Variants in DPY19L1 observed in about 807,000 individuals in gnomAD.
DPY19L1 encodes protein C-mannosyl-transferase DPY19L1.
A neutral mutation model predicts 96.9 loss-of-function variants in DPY19L1; 35 were observed. The observed-to-expected ratio is 0.36, with a 90% CI of 0.28 to 0.48. The LOEUF (loss-of-function observed/expected upper bound fraction) is 0.48. DPY19L1 is among the 20% of genes least tolerant of loss of function. DPY19L1 has a pLI of 0.99. For missense variants in DPY19L1, 521 were observed against 777.9 expected, an observed-to-expected ratio of 0.67 and a Z score of 3.93; for synonymous variants, 205 against 252.6, an observed-to-expected ratio of 0.81 and a Z score of 1.79.
chr7:34,950,246 A>T (rs1453450691), intron 13 of DPY19L1, among the ~76,000 whole-genome samples: 1 of 152,208 alleles, frequency 6.6e-6, no homozygotes, highest in Admixed American at 6.5e-5. Flanking sequence ...ACACACACAG[A>T]CTTCTTTTAA....
At chr7:35,018,511 A>G in intron 2 of DPY19L1, 61 bp downstream of exon 2, 1 of 1,436,126 alleles carries the variant, frequency 7.0e-7, no homozygotes, top group Non-Finnish European at 9.7e-7. Flanking sequence ...TGTATGGGAA[A>G]TAGCTTTAGC....
chr7:35,036,987 G>A (rs975694326), intron 1 of DPY19L1, 110 bp downstream of exon 1: 1 of 150,328 alleles, frequency 6.7e-6, no homozygotes, highest in South Asian at 2.2e-4. Flanking sequence ...GGCGGGGCTC[G>A]GCGCGGCGGA....
intron 10 of DPY19L1, among the ~76,000 whole-genome samples, chr7:34,959,008 T>TA (rs1784435415): frequency 6.6e-6 from 1 of 151,524 alleles, no homozygotes; most frequent in Non-Finnish European, 1.5e-5. Context: ...ACAAAGAACT[T>TA]AAACAAATTT....
intron 11 of DPY19L1, among the ~76,000 whole-genome samples, chr7:34,956,325 A>T (rs974698722): frequency 6.0e-5 from 9 of 149,800 alleles, no homozygotes; most frequent in Admixed American, 4.8e-4. Context: ...TCCTAATAAT[A>T]AACAGAGAAC....
At chr7:35,030,259 G>T (rs555384073) in intron 1 of DPY19L1, among the ~76,000 whole-genome samples, 110 of 152,324 alleles carry the variant, frequency 7.2e-4, no homozygotes, top group African/African-American at 2.5e-3. Flanking sequence ...CCAAAGGGCA[G>T]AGTAGTAGCA....
chr7:35,022,908 C>T (rs114900983), intron 1 of DPY19L1, among the ~76,000 whole-genome samples: 15 of 152,326 alleles, frequency 9.8e-5, no homozygotes, highest in Admixed American at 5.2e-4. Flanking sequence ...GTCCCGGTCC[C>T]GGACGCCTTG....
rs374366847 is a variant in DPY19L1, at chr7:35,022,713, G to T, written c.299-4117C>A. 2.6e-5 allele frequency among the ~76,000 whole-genome samples: 4 copies of T among 152,304 alleles called. 1 individual carries two copies. Among genetic ancestry groups the T allele is most frequent in the East Asian group, 3.9e-4 (2 of 5,184 alleles). ...ATAAAGCTTGATATAATTAAGGGGA[G>T]GAATGAAATAATCCAAAATCATGTC... On this transcript the variant is annotated intron_variant, in intron 1 of 21. Transcript: ENST00000638088.
chr7:34,992,283 T>G (rs1785187170), intron 6 of DPY19L1, among the ~76,000 whole-genome samples: 1 of 152,242 alleles, frequency 6.6e-6, no homozygotes, highest in Non-Finnish European at 1.5e-5. Flanking sequence ...CTTATTCATA[T>G]TCTTGTCTAT....
At position 34,938,067 on chromosome 7, in the gene DPY19L1, C is replaced by T; in HGVS notation, c.2017G>A (p.Val673Met). The T allele has an allele frequency of 6.2e-7, 1 of 1,614,006 alleles. No individual in the cohort carries two copies. Among genetic ancestry groups the T allele is most frequent in the Non-Finnish European group, 8.5e-7 (1 of 1,179,986 alleles). ...TTTAACTTTATCAGTTCTCGCTTCA[C>T]TTCTTCGGCTGCTTTCCGACTATAC... The part of the protein sequence containing the change: ...SMYSRKAAEE[V>M]KRELIKLKVN... Residue 673 changes from valine to methionine, a missense_variant, in exon 21 of 22, where the codon GTG becomes ATG. Physicochemically the swap from Val to Met is conservative, Grantham distance 21 (BLOSUM62 1). Transcript: ENST00000638088.
At chr7:34,997,791 T>G (rs953251208) in intron 6 of DPY19L1, among the ~76,000 whole-genome samples, 20 of 152,140 alleles carry the variant, frequency 1.3e-4, no homozygotes, top group African/African-American at 4.6e-4. Context: ...GGCATAAAAT[T>G]TAAGAAATTC....
chr7:34,979,268 T>G (rs1319317222), intron 7 of DPY19L1, among the ~76,000 whole-genome samples: 1 of 152,106 alleles, frequency 6.6e-6, no homozygotes, highest in African/African-American at 2.4e-5. Context: ...GTTATCAGTA[T>G]CAACTCTACC....
intron 10 of DPY19L1, among the ~76,000 whole-genome samples, chr7:34,958,547 C>T (rs1261391134): frequency 6.6e-6 from 1 of 152,182 alleles, no homozygotes; most frequent in Non-Finnish European, 1.5e-5. Flanking sequence ...ACAAACACTG[C>T]TATGATAGAC....
chr7:34,972,159 C>G (rs1330416732), intron 8 of DPY19L1, among the ~76,000 whole-genome samples: 1 of 152,212 alleles, frequency 6.6e-6, no homozygotes, highest in Non-Finnish European at 1.5e-5. Context: ...TGCAGACAGC[C>G]TCTAGAAGCT....
At chr7:35,018,710 T>G in intron 1 of DPY19L1, 114 bp from the exon 2 acceptor site, 1 of 930,544 alleles carries the variant, frequency 1.1e-6, no homozygotes, top group Non-Finnish European at 1.6e-6. Context: ...AAAAGAATAC[T>G]GGGTCTTCAA....
chr7:35,016,959 T>C (rs1298958768), intron 3 of DPY19L1, among the ~76,000 whole-genome samples: 1 of 150,006 alleles, frequency 6.7e-6, no homozygotes, highest in Non-Finnish European at 1.5e-5. Context: ...ATGCAATGTG[T>C]AGGCACTGTT....
chr7:34,963,698 G>T (rs764852137), intron 10 of DPY19L1, among the ~76,000 whole-genome samples: 1 of 107,810 alleles, frequency 9.3e-6, no homozygotes, highest in Non-Finnish European at 2.1e-5. Flanking sequence ...AAGCAGAATC[G>T]TGTGTGTGTG....
intron 7 of DPY19L1, among the ~76,000 whole-genome samples, chr7:34,984,626 T>TTAATA (rs1785009788): frequency 6.6e-6 from 1 of 152,190 alleles, no homozygotes; most frequent in South Asian, 2.1e-4. Flanking sequence ...TACTGTAGGT[T>TTAATA]TAATAAGTTC....
rs1785897155 is a variant in DPY19L1 at position 35,017,828 on chromosome 7, T to C, written c.411+54A>G. ...TGAAATTTTCCATAATAAAAAATAT[T>C]AAATGTTTTTAAATTCCTAAAGTAC... On this transcript the variant is annotated intron_variant, in intron 3 of 21. Transcript: ENST00000638088. 4 of 1,358,480 alleles carry C rather than the reference T, an allele frequency of 2.9e-6. No homozygotes were observed. The East Asian group carries it at 9.4e-5, about 32-fold the overall frequency. The allele number at this position is 1,358,480 out of a possible 1,614,324, so 84.2% of individuals were successfully genotyped here. A position where few individuals can be genotyped will look rare whatever the true frequency, so the allele number is the denominator to read the frequency against.
At chr7:34,966,429 C>G (rs1450325244) in intron 10 of DPY19L1, among the ~76,000 whole-genome samples, 1 of 152,074 alleles carries the variant, frequency 6.6e-6, no homozygotes, top group Non-Finnish European at 1.5e-5. Context: ...TCCTAAGTAG[C>G]TAGTACTACA....
Sources: allele counts gnomAD v4.1 joint callset (sites outside exome capture counted in the v4.1 genomes callset), GRCh38; gene constraint gnomAD v4.1.1; transcripts MANE v1.5; gene names NCBI Gene and HGNC (gene_info 2026-07-23, HGNC 2026-07-21).